ACTR3C: variants seen among roughly 807,000 people sequenced by gnomAD.
ACTR3C encodes actin related protein 3C.
ACTR3C carries 18 observed loss-of-function variants against 26.3 expected under a neutral mutation model. That is an observed-to-expected ratio of 0.68 (90% CI 0.47 to 1.01). ACTR3C has a LOEUF of 1.01. ACTR3C is among the 50% of genes least tolerant of loss of function. ACTR3C has a pLI of 0.00. For missense variants in ACTR3C, 184 were observed against 250.7 expected, an observed-to-expected ratio of 0.73 and a Z score of 1.80; for synonymous variants, 55 against 94.5, an observed-to-expected ratio of 0.58 and a Z score of 2.42.
At chr7:150,144,470 T>C in the ACTR3C span, among the ~76,000 whole-genome samples, 1 of 152,282 alleles carries the variant, frequency 6.6e-6, no homozygotes, top group Admixed American at 6.5e-5. The surrounding 1 kb of genome is among the most constrained non-coding windows in gnomAD (Gnocchi z 4.6). Flanking sequence ...CTTACAAATG[T>C]ATGTTTTGTT....
At chr7:150,020,181 A>G in the ACTR3C span, among the ~76,000 whole-genome samples, 1 of 152,138 alleles carries the variant, frequency 6.6e-6, no homozygotes, top group Non-Finnish European at 1.5e-5. Context: ...TTTTTAGTGC[A>G]AACACATGAA....
At chr7:150,070,096 A>G in the ACTR3C span, among the ~76,000 whole-genome samples, 1 of 152,240 alleles carries the variant, frequency 6.6e-6, no homozygotes, top group Admixed American at 6.5e-5. Flanking sequence ...GGCTGTTCCC[A>G]GACCACACAT....
the ACTR3C span, among the ~76,000 whole-genome samples, chr7:150,017,163 G>A: frequency 6.6e-6 from 1 of 151,780 alleles, no homozygotes; most frequent in African/African-American, 2.4e-5. Flanking sequence ...TCCCACTGTG[G>A]GTCCTCTTGA....
the ACTR3C span, among the ~76,000 whole-genome samples, chr7:149,902,676 G>A: frequency 2.2e-5 from 2 of 90,480 alleles, no homozygotes; most frequent in African/African-American, 5.9e-5. Context: ...TAGGTGGGGT[G>A]GCTCACACCT....
At chr7:149,936,214 C>A in the ACTR3C span, among the ~76,000 whole-genome samples, 224 of 152,296 alleles carry the variant, frequency 1.5e-3, 1 homozygote, top group Middle Eastern at 6.8e-3. Flanking sequence ...ATTAGAAACA[C>A]CAAAGCTTCA....
At chr7:150,041,181 C>T in the ACTR3C span, among the ~76,000 whole-genome samples, 13 of 150,512 alleles carry the variant, frequency 8.6e-5, no homozygotes, top group Non-Finnish European at 1.9e-4. Context: ...TTGTTGGGAT[C>T]CCCATTTCAA....
chr7:150,282,894 AT>A (rs1835465205), intron 6 of ACTR3C, among the ~76,000 whole-genome samples: 1 of 148,818 alleles, frequency 6.7e-6, no homozygotes, highest in South Asian at 2.1e-4. Flanking sequence ...ATTTTACATA[AT>A]TTTCAGTGTG....
At chr7:150,084,560 G>A in the ACTR3C span, among the ~76,000 whole-genome samples, 1 of 152,186 alleles carries the variant, frequency 6.6e-6, no homozygotes, top group Admixed American at 6.5e-5. Flanking sequence ...ATCTATGAGA[G>A]AGCCTTCGGG....
At chr7:150,134,087 A>T in the ACTR3C span, among the ~76,000 whole-genome samples, 1 of 152,184 alleles carries the variant, frequency 6.6e-6, no homozygotes, top group Admixed American at 6.5e-5. Flanking sequence ...ATTTTGTTCC[A>T]TACTTCTACT....
chr7:150,060,292 T>C, the ACTR3C span, among the ~76,000 whole-genome samples: 1 of 150,498 alleles, frequency 6.6e-6, no homozygotes, highest in African/African-American at 2.5e-5. Context: ...TGCTGCCTTA[T>C]CTTGCAACAT....
At chr7:150,304,844 G>T (rs1795684408) in intron 1 of ACTR3C, among the ~76,000 whole-genome samples, 1 of 151,716 alleles carries the variant, frequency 6.6e-6, no homozygotes, top group Non-Finnish European at 1.5e-5. Flanking sequence ...GCATACAAAA[G>T]CTAGTGAGGG....
intron 5 of ACTR3C, among the ~76,000 whole-genome samples, chr7:150,285,385 T>C (rs1192717476): frequency 6.6e-6 from 1 of 152,218 alleles, no homozygotes; most frequent in African/African-American, 2.4e-5. Context: ...ATAGATTCAA[T>C]TCCATAAGTT....
chr7:149,933,049 T>C, the ACTR3C span, among the ~76,000 whole-genome samples: 45,026 of 127,644 alleles, frequency 0.35, 8,303 homozygotes, highest in African/African-American at 0.38. Context: ...GACTCTTGTC[T>C]CTGAGGACAG....
the ACTR3C span, among the ~76,000 whole-genome samples, chr7:150,185,866 G>A: frequency 6.6e-6 from 1 of 152,166 alleles, no homozygotes; most frequent in Non-Finnish European, 1.5e-5. Context: ...TAAAAAGCAA[G>A]TTAGTGCAGC....
At chr7:150,135,965 T>C in the ACTR3C span, among the ~76,000 whole-genome samples, 4 of 152,200 alleles carry the variant, frequency 2.6e-5, no homozygotes, top group Middle Eastern at 3.4e-3. Context: ...TGCTACAGAT[T>C]CTTGCCAGGC....
At chr7:149,904,958 G>A in the ACTR3C span, among the ~76,000 whole-genome samples, 37 of 151,252 alleles carry the variant, frequency 2.4e-4, 1 homozygote, top group South Asian at 2.3e-3. Flanking sequence ...CCTGGGAGGC[G>A]GAGGTTGCAA....
At chr7:150,221,383 A>C in the ACTR3C span, among the ~76,000 whole-genome samples, 1 of 152,190 alleles carries the variant, frequency 6.6e-6, no homozygotes, top group Non-Finnish European at 1.5e-5. Context: ...GACCCCAGGG[A>C]ACCAGGAAAA....
intron 6 of ACTR3C, among the ~76,000 whole-genome samples, chr7:150,264,115 A>G (rs1259671862): frequency 6.6e-6 from 1 of 152,218 alleles, no homozygotes; most frequent in Non-Finnish European, 1.5e-5. Flanking sequence ...AAGTCACTTC[A>G]GGAGTGGCAT....
the ACTR3C span, among the ~76,000 whole-genome samples, chr7:150,143,631 G>A: frequency 4.3e-4 from 65 of 152,238 alleles, no homozygotes; most frequent in African/African-American, 1.5e-3. Context: ...CCACTTTCCT[G>A]ATATTCTGGA....
Sources: allele counts gnomAD v4.1 joint callset (sites outside exome capture counted in the v4.1 genomes callset), GRCh38; gene constraint gnomAD v4.1.1; non-coding constraint Gnocchi (gnomAD v3.1); transcripts MANE v1.5; gene names NCBI Gene and HGNC (gene_info 2026-07-23, HGNC 2026-07-21).